CLIP2: variants seen among roughly 807,000 people sequenced by gnomAD.
The protein encoded by CLIP2 is CAP-Gly domain containing linker protein 2.
In CLIP2, 41 loss-of-function variants were observed where a neutral mutation model predicts 111.7. That is an observed-to-expected ratio of 0.37 (90% confidence interval 0.29 to 0.48). The LOEUF is 0.48. CLIP2 is among the 20% of genes least tolerant of loss of function. The pLI is 0.99. For synonymous variants in CLIP2, 660 were observed against 644.2 expected (o/e 1.02, Z -0.37); for missense variants, 1,160 against 1,422.1 (o/e 0.82, Z 2.96).
At chr7:74,305,219 G>C (rs564878882) in intron 1 of CLIP2, among the ~76,000 whole-genome samples, 3 of 146,798 alleles carry the variant, frequency 2.0e-5, no homozygotes, top group Admixed American at 2.0e-4. Flanking sequence ...CCAATACTTG[G>C]CATTGCCAGG....
chr7:74,380,068 A>ACTT (rs1790899567), intron 10 of CLIP2: 1 of 152,188 alleles, frequency 6.6e-6, no homozygotes, highest in African/African-American at 2.4e-5. Context: ...GGATGTATGA[A>ACTT]CAGAAGTATG....
chr7:74,380,678 G>C, intron 10 of CLIP2, 128 bp from the exon 11 acceptor site: 1 of 712,904 alleles, frequency 1.4e-6, no homozygotes, highest in Non-Finnish European at 2.3e-6. Flanking sequence ...GCAAGTCCCT[G>C]AGTCCGTCAC....
intron 3 of CLIP2, among the ~76,000 whole-genome samples, chr7:74,352,813 A>T (rs575482120): frequency 6.6e-6 from 1 of 152,210 alleles, no homozygotes; most frequent in African/African-American, 2.4e-5. Context: ...GTTCCAGACC[A>T]GCTCAGGCAA....
chr7:74,397,227 C>A lies in CLIP2; in HGVS notation c.2874C>A (p.Thr958=). The A allele has an allele frequency of 6.2e-7, 1 of 1,611,904 alleles. No homozygotes were observed. The highest frequency in any genetic ancestry group is 1.1e-5 in the South Asian group (1 of 90,948). ...DDIRGLREKL[T]GLDKEKSLSD... ...TCCGGGGCCTGCGTGAAAAGCTGAC[C>A]GGGCTGGTATGTGGGGTAGGGGTGG... The change falls in exon 14 of 17, where the codon ACC becomes ACA. Residue 958 remains threonine, a synonymous_variant. Transcript: ENST00000223398.
chr7:74,337,891 C>T (rs782720961), intron 2 of CLIP2, among the ~76,000 whole-genome samples: 18 of 152,110 alleles, frequency 1.2e-4, no homozygotes, highest in Non-Finnish European at 2.2e-4. Context: ...CCACCGTGCC[C>T]GGCCTGGAAA....
At chr7:74,291,470 C>G (rs1788016382) in intron 1 of CLIP2, among the ~76,000 whole-genome samples, 1 of 152,252 alleles carries the variant, frequency 6.6e-6, no homozygotes, top group Non-Finnish European at 1.5e-5. Context: ...AGCTCTGCCA[C>G]TCCCTAGCTA....
At position 74,317,598 on chromosome 7, in the gene CLIP2, A is replaced by G; in HGVS notation, c.52A>G (p.Ser18Gly). The G allele has an allele frequency of 6.6e-7, 1 of 1,519,964 alleles. No homozygotes were observed. The highest frequency in any genetic ancestry group is 1.3e-5 in the South Asian group (1 of 78,828). The allele number at this position is 1,519,964 out of a possible 1,614,324, so 94.2% of individuals were successfully genotyped here. A position where few individuals can be genotyped will look rare whatever the true frequency, so the allele number is the denominator to read the frequency against. The change falls in exon 2 of 17, where the codon AGC becomes GGC. Residue 18 changes from serine to glycine, a missense_variant. Ser to Gly is a moderately conservative substitution (Grantham distance 56). Around this residue, in one of 5 missense-constraint regions of CLIP2, gnomAD observed 301 missense variants for 315.2 expected, o/e 0.96. Coordinates refer to ENST00000223398, the MANE Select transcript of CLIP2 (RefSeq NM_003388.5). Reference sequence around the variant, plus strand: ...CCCCGGCCGTGGGGGGAAGCACTCCAGCCCCATGGGCCGGACATCTACTGG... The same window carrying G: ...CCCCGGCCGTGGGGGGAAGCACTCCGGCCCCATGGGCCGGACATCTACTGG... ...KPPGRGGKHS[S>G]PMGRTSTGSA...
intron 7 of CLIP2, among the ~76,000 whole-genome samples, chr7:74,360,978 C>T (rs1024332582): frequency 1.3e-5 from 2 of 152,026 alleles, no homozygotes; most frequent in African/African-American, 4.8e-5. Flanking sequence ...GAGCCGTGCA[C>T]CAGGAAGAAG....
At chr7:74,401,589 C>G (rs200806234) in intron 16 of CLIP2, 22 bp downstream of exon 16, 2 of 1,610,888 alleles carry the variant, frequency 1.2e-6, no homozygotes, top group African/African-American at 2.7e-5. Context: ...CTCGGGCCTC[C>G]CAGGTCCCTC....
chr7:74,349,055 A>G (rs1789894946), intron 3 of CLIP2, among the ~76,000 whole-genome samples: 2 of 152,124 alleles, frequency 1.3e-5, no homozygotes, highest in Non-Finnish European at 2.9e-5. Context: ...AAAAAGTGGA[A>G]GCAACCCAAT....
At chr7:74,365,365 G>A (rs1043376499) in intron 8 of CLIP2, among the ~76,000 whole-genome samples, 1 of 152,106 alleles carries the variant, frequency 6.6e-6, no homozygotes, top group Non-Finnish European at 1.5e-5. Context: ...AAACAGCATC[G>A]GGAGCTAAGC....
intron 8 of CLIP2, among the ~76,000 whole-genome samples, chr7:74,368,250 G>C (rs1317460712): frequency 3.3e-5 from 5 of 152,114 alleles, no homozygotes; most frequent in African/African-American, 1.2e-4. Context: ...GGGCGCGGTG[G>C]CTCACGCCTG....
chr7:74,383,080 CA>C (rs556644763), intron 11 of CLIP2, among the ~76,000 whole-genome samples: 2,721 of 61,294 alleles, frequency 0.044, 55 homozygotes, highest in African/African-American at 0.13. Context: ...ACCCTGTCAC[CA>C]AAAAAAAAAA....
At chr7:74,347,972 G>A (rs1463932204) in intron 3 of CLIP2, among the ~76,000 whole-genome samples, 1 of 152,020 alleles carries the variant, frequency 6.6e-6, no homozygotes, top group African/African-American at 2.4e-5. Flanking sequence ...TTGAGGTCAG[G>A]AGTTCCAGAC....
chr7:74,371,353 G>C (rs1790613791), intron 8 of CLIP2, among the ~76,000 whole-genome samples: 1 of 151,882 alleles, frequency 6.6e-6, no homozygotes, highest in Admixed American at 6.6e-5. Context: ...GCCTGTGCGG[G>C]CTACCAGTTC....
chr7:74,325,421 T>C (rs1379004270), intron 2 of CLIP2, among the ~76,000 whole-genome samples: 1 of 151,758 alleles, frequency 6.6e-6, no homozygotes, highest in East Asian at 1.9e-4. Flanking sequence ...GCAGACAGGG[T>C]GGTCAGGGAC....
rs372146421 is a variant in CLIP2, at chr7:74,405,069, C to T, written c.*1221C>T. 1.3e-5 allele frequency: 2 copies of T among 152,226 alleles called. No individual in the cohort carries two copies. Among genetic ancestry groups the T allele is most frequent in the East Asian group, 1.9e-4 (1 of 5,188 alleles). The allele number at this position is 152,226 out of a possible 1,614,324, so 9.4% of individuals were successfully genotyped here. ...GGCACCTGCACAGAGCGTCTCCAGCCCCATCTCCTAACGGGGGCTGGGGGT... is the reference window on the plus strand; with the variant it reads ...GGCACCTGCACAGAGCGTCTCCAGCTCCATCTCCTAACGGGGGCTGGGGGT... On this transcript the variant is annotated 3_prime_UTR_variant, in exon 17 of 17. Coordinates refer to ENST00000223398, the MANE Select transcript of CLIP2 (RefSeq NM_003388.5).
intron 2 of CLIP2, among the ~76,000 whole-genome samples, chr7:74,336,872 T>C (rs1410183246): frequency 1.8e-5 from 1 of 54,722 alleles, no homozygotes; most frequent in Non-Finnish European, 4.6e-5. Context: ...TTTTTTTTTT[T>C]TTGTTTTTTT....
intron 2 of CLIP2, among the ~76,000 whole-genome samples, chr7:74,318,223 C>T (rs1229680051): frequency 6.6e-6 from 1 of 151,824 alleles, no homozygotes; most frequent in African/African-American, 2.4e-5. Flanking sequence ...AAAGGAGCGT[C>T]ATGCGTACAG....
Sources: allele counts gnomAD v4.1 joint callset (sites outside exome capture counted in the v4.1 genomes callset), GRCh38; gene constraint gnomAD v4.1.1; regional missense constraint gnomAD v4.1.1; transcripts MANE v1.5; gene names NCBI Gene and HGNC (gene_info 2026-07-23, HGNC 2026-07-21).